The following ARF1 variants were observed in gnomAD, a reference collection of about 807,000 sequenced individuals.
The protein encoded by ARF1 is ARF GTPase 1.
Under a neutral mutation model 18.0 loss-of-function variants are expected in ARF1, and 1 was observed. The ratio of observed to expected loss-of-function variants is 0.06; its 90% confidence interval spans 0.02 to 0.26. The LOEUF (loss-of-function observed/expected upper bound fraction) is 0.26, where lower values mean the gene tolerates loss of function less well. Among genes scored for constraint, ARF1 ranks in the 10% least tolerant of loss-of-function variants. The pLI is 1.00. For synonymous variants in ARF1, 112 were observed against 96.3 expected (o/e 1.16, Z -0.95); for missense variants, 73 against 247.2 (o/e 0.30, Z 4.73).
intron 1 of ARF1, among the ~76,000 whole-genome samples, chr1:228,084,325 G>C (rs1220196785): frequency 6.6e-6 from 1 of 152,244 alleles, no homozygotes; most frequent in Non-Finnish European, 1.5e-5. Context: ...GTTAGAGTGT[G>C]TTGTCCATGT....
At chr1:228,087,127 A>G (rs1029551528) in intron 1 of ARF1, among the ~76,000 whole-genome samples, 1 of 152,264 alleles carries the variant, frequency 6.6e-6, no homozygotes, top group East Asian at 1.9e-4. Flanking sequence ...CCCTGAAGGG[A>G]TGCCAGCAAG....
rs3738681 is a variant in ARF1, at chr1:228,089,434, C to T, written c.-38+6669C>T. Among the ~76,000 whole-genome samples, 12,230 of 152,210 alleles carry T rather than the reference C, an allele frequency of 0.08. 572 individuals are homozygous for T. The highest frequency in any genetic ancestry group is 0.19 in the East Asian group (1,001 of 5,168). On this transcript the variant is annotated intron_variant, in intron 1 of 4. Transcript: ENST00000272102. This position sits in a 1 kb window ranked among gnomAD's most constrained non-coding sequence, Gnocchi z 4.1. ...AGTGGGGTGGGGTGGCAAGGTGGTG[C>T]TCGTCCCAAAGCTGGGGGAAACCTG...
intron 1 of ARF1, among the ~76,000 whole-genome samples, chr1:228,086,184 A>G (rs1571834798): frequency 6.6e-6 from 1 of 152,248 alleles, no homozygotes; most frequent in East Asian, 1.9e-4. Flanking sequence ...ATTTGTACAA[A>G]GGAATGTTCA....
Position 228,082,843 on chromosome 1 carries a change from G to T in ARF1, c.-38+78G>T. 6.5e-6 allele frequency: 1 copy of T among 152,700 alleles called. No homozygotes were observed. Among genetic ancestry groups the T allele is most frequent in the South Asian group, 2.0e-4 (1 of 5,092 alleles). 9.5% of individuals were successfully genotyped at this position (152,700 alleles called of 1,614,324 possible). On this transcript the variant is annotated intron_variant, in intron 1 of 4. Transcript: ENST00000272102. The surrounding 1 kb of genome is among the most constrained non-coding windows in gnomAD (Gnocchi z 6.1). ...GGGGGCTGGGGACTGGCCTCGGGGC[G>T]ACTTGAGGTTCGCGAAGGGCACGTC...
chr1:228,092,445 C>T (rs2032605437), intron 1 of ARF1, among the ~76,000 whole-genome samples: 1 of 152,196 alleles, frequency 6.6e-6, no homozygotes, highest in Non-Finnish European at 1.5e-5. Flanking sequence ...GAGGCCCTGT[C>T]TCAAAAAGAG....
chr1:228,096,403 C>A (rs1201464451), intron 1 of ARF1: 1 of 152,298 alleles, frequency 6.6e-6, no homozygotes, highest in Non-Finnish European at 1.5e-5. Flanking sequence ...CGTGAAATTG[C>A]CCACTGGCCA....
In ARF1 at chr1:228,097,085, T is replaced by C; in HGVS notation, c.-30T>C. The stretch of plus-strand genomic sequence containing the variant: ...AGCACCTTGTCTCTCCAGGTGTCCC[T>C]GGCCAGTGTCCTTCCACCTGTCCAC... On this transcript the variant is annotated 5_prime_UTR_variant, in exon 2 of 5. Transcript: ENST00000272102. This position sits in a 1 kb window ranked among gnomAD's most constrained non-coding sequence, Gnocchi z 8.1. The C allele has an allele frequency of 6.4e-7, 1 of 1,572,598 alleles. No homozygotes were observed. Among genetic ancestry groups the C allele is most frequent in the Non-Finnish European group, 8.6e-7 (1 of 1,158,846 alleles).
In ARF1 at chr1:228,098,162, T is replaced by C. The variant is rs2032816109; in HGVS notation, c.*149T>C. Reference sequence around the variant, plus strand: ...TGCTGTAAATGTGGCAGACGCAGCCTGCGGCCAGGCTTTTTATTTAATGTA... The same window carrying C: ...TGCTGTAAATGTGGCAGACGCAGCCCGCGGCCAGGCTTTTTATTTAATGTA... On this transcript the variant is annotated 3_prime_UTR_variant, in exon 5 of 5. Transcript: ENST00000272102. 3 of 927,978 alleles carry C rather than the reference T, an allele frequency of 3.2e-6. No individual in the cohort carries two copies. The highest frequency in any genetic ancestry group is 4.6e-6 in the Non-Finnish European group (3 of 650,088). 57.5% of individuals were successfully genotyped at this position (927,978 alleles called of 1,614,324 possible).
chr1:228,097,561 C>T lies in ARF1; in HGVS notation c.260-30C>T. On this transcript the variant is annotated intron_variant, in intron 3 of 4. Transcript: ENST00000272102. This position sits in a 1 kb window ranked among gnomAD's most constrained non-coding sequence, Gnocchi z 8.1. ...AGATGCGGCAGGGGGGCTGTGTTCC[C>T]ATGACCATTTGACACTGGCTGCCCG... 2 of 1,613,968 alleles carry T rather than the reference C, an allele frequency of 1.2e-6. No homozygotes were observed. The highest frequency in any genetic ancestry group is 1.7e-5 in the Admixed American group (1 of 60,016).
Position 228,097,770 on chromosome 1 carries a change from G to A in ARF1, c.384+55G>A. ...GAGGAGCCAGTGTGGGTTCCGCCTG[G>A]TGGTAGGGGTTACTGGAGGCTGGTG... On this transcript the variant is annotated intron_variant, in intron 4 of 4. Coordinates refer to ENST00000272102, the MANE Select transcript of ARF1 (RefSeq NM_001658.4). The surrounding 1 kb of genome is among the most constrained non-coding windows in gnomAD (Gnocchi z 8.1). 1 of 1,589,664 alleles carries A rather than the reference G, an allele frequency of 6.3e-7. No homozygotes were observed. The highest frequency in any genetic ancestry group is 8.6e-7 in the Non-Finnish European group (1 of 1,166,504).
rs771901253 is a variant in ARF1 at position 228,097,499 on chromosome 1, G to T, written c.259+47G>T. On this transcript the variant is annotated intron_variant, in intron 3 of 4. Coordinates refer to ENST00000272102, the MANE Select transcript of ARF1 (RefSeq NM_001658.4). The surrounding 1 kb of genome is among the most constrained non-coding windows in gnomAD (Gnocchi z 8.1). Reference sequence around the variant, plus strand: ...CCATGGGCACTCCTGCTTCTAGAGAGGGGGGGCCAGCCCATAGATGGGGCA... The same window carrying T: ...CCATGGGCACTCCTGCTTCTAGAGATGGGGGGCCAGCCCATAGATGGGGCA... 9.9e-6 allele frequency: 16 copies of T among 1,613,252 alleles called. No individual in the cohort carries two copies. The Admixed American group carries it at 2.3e-4, about 24-fold the overall frequency.
rs1018998770 is a variant in ARF1, at chr1:228,095,282, G to C, written c.-37-1796G>C. On this transcript the variant is annotated intron_variant, in intron 1 of 4. Transcript: ENST00000272102. ...AAGGCAGACAGGCCTGTCTCTTGGT[G>C]GGGGGTGGGGGTGGGCGGAGCTCCA... Among the ~76,000 whole-genome samples, 13 of 151,802 alleles carry C rather than the reference G, an allele frequency of 8.6e-5. No homozygotes were observed. In the South Asian group the frequency reaches 2.1e-3, roughly 24 times the overall value.
rs1650392466 is a variant in ARF1 at position 228,099,167 on chromosome 1, A to G, written c.*1154A>G. ...TTTTCAGTTTTCATTTCGACAAACA[A>G]GCACTGTAATTATAGCTATTAGAAT... On this transcript the variant is annotated 3_prime_UTR_variant, in exon 5 of 5. Coordinates refer to ENST00000272102, the MANE Select transcript of ARF1 (RefSeq NM_001658.4). 6.5e-6 allele frequency: 1 copy of G among 152,682 alleles called. No individual in the cohort carries two copies. Among genetic ancestry groups the G allele is most frequent in the Non-Finnish European group, 1.5e-5 (1 of 68,042 alleles). 9.5% of individuals were successfully genotyped at this position (152,682 alleles called of 1,614,324 possible).
At chr1:228,084,141 A>G (rs570385484) in intron 1 of ARF1, among the ~76,000 whole-genome samples, 2 of 152,334 alleles carry the variant, frequency 1.3e-5, no homozygotes, top group South Asian at 2.1e-4. Context: ...TGCGTTAGCC[A>G]TTGTCTAACA....
chr1:228,093,160 G>C (rs1355726707), intron 1 of ARF1, among the ~76,000 whole-genome samples: 6 of 152,112 alleles, frequency 3.9e-5, no homozygotes, highest in Non-Finnish European at 5.9e-5. Flanking sequence ...AGAAAGTCAG[G>C]TTTGCTCCTA....
At chr1:228,091,487 T>A (rs1558085121) in intron 1 of ARF1, among the ~76,000 whole-genome samples, 1 of 152,220 alleles carries the variant, frequency 6.6e-6, no homozygotes, top group Non-Finnish European at 1.5e-5. Context: ...CGCCTTCAGA[T>A]GCAGCCCAGA....
chr1:228,095,626 A>G (rs2032719216), intron 1 of ARF1, among the ~76,000 whole-genome samples: 1 of 152,214 alleles, frequency 6.6e-6, no homozygotes, highest in Admixed American at 6.5e-5. Context: ...CCAAGATTGG[A>G]CATTGCTGCC....
intron 1 of ARF1, among the ~76,000 whole-genome samples, chr1:228,095,155 C>A (rs1045481991): frequency 6.6e-6 from 1 of 152,002 alleles, no homozygotes; most frequent in African/African-American, 2.4e-5. Flanking sequence ...GGTTTCTCTC[C>A]TTGTCCTTTG....
chr1:228,086,947 G>A (rs538722003), intron 1 of ARF1, among the ~76,000 whole-genome samples: 1 of 152,308 alleles, frequency 6.6e-6, no homozygotes, highest in East Asian at 1.9e-4. Flanking sequence ...GCTGCAGAAC[G>A]CAGAACTGGT....
Sources: gnomAD v4.1 joint callset for allele counts (sites outside exome capture counted in the v4.1 genomes callset) on GRCh38, gnomAD v4.1.1 for gene constraint, Gnocchi (gnomAD v3.1) non-coding constraint, MANE v1.5 for transcripts, NCBI Gene and HGNC (gene_info 2026-07-23, HGNC 2026-07-21) for gene names.